AANAT: variants seen among roughly 807,000 people sequenced by gnomAD.
AANAT encodes aralkylamine N-acetyltransferase.
In AANAT, 11 loss-of-function variants were observed where a neutral mutation model predicts 15.6. The ratio of observed to expected loss-of-function variants is 0.71; its 90% CI spans 0.44 to 1.17. The LOEUF (loss-of-function observed/expected upper bound fraction) is 1.17, where lower values mean the gene tolerates loss of function less well. AANAT is among the 50% of genes most tolerant of loss of function. The pLI is 0.00. For missense variants in AANAT, 286 were observed against 296.3 expected, an observed-to-expected ratio of 0.97 and a Z score of 0.26; for synonymous variants, 139 against 131.5, an observed-to-expected ratio of 1.06 and a Z score of -0.39.
chr17:76,461,605 C>CAA (rs10578887), intron 2 of AANAT, among the ~76,000 whole-genome samples: 14 of 52,850 alleles, frequency 2.6e-4, no homozygotes, highest in South Asian at 9.1e-4. Context: ...GAGCCTCCAC[C>CAA]AAAAAAAAAA....
At chr17:76,468,172 G>A (rs1268706800) in intron 1 of AANAT, among the ~76,000 whole-genome samples, 1 of 152,180 alleles carries the variant, frequency 6.6e-6, no homozygotes, top group Non-Finnish European at 1.5e-5. Flanking sequence ...TCTGCCACAG[G>A]ATCTTGCACC....
intron 2 of AANAT, among the ~76,000 whole-genome samples, chr17:76,460,175 G>C (rs71384106): frequency 5.0e-5 from 5 of 100,956 alleles, no homozygotes; most frequent in East Asian, 3.8e-4. Context: ...TTGAGACAGA[G>C]TCTCTCTCTG....
chr17:76,453,375 G>A (rs2073299081), exon 1 of AANAT: 2 of 325,264 alleles, frequency 6.1e-6, no homozygotes, highest in African/African-American at 4.3e-5. Context: ...GAAGGGGCGA[G>A]ACCAGTGAGG....
At chr17:76,464,799 A>ATAT (rs1555612681), upstream of AANAT, among the ~76,000 whole-genome samples, 29 of 148,410 alleles carry the variant, frequency 2.0e-4, no homozygotes, top group Non-Finnish European at 3.7e-4. Flanking sequence ...GTATCTATAT[A>ATAT]TTTTTTTTTT....
At position 76,469,634 on chromosome 17, in the gene AANAT, AC is replaced by A. The variant is rs2073494581; in HGVS notation, c.319-29del. 4.9e-6 allele frequency: 7 copies of A among 1,439,014 alleles called. No individual in the cohort carries two copies. Among genetic ancestry groups the A allele is most frequent in the African/African-American group, 2.9e-5 (2 of 69,956 alleles). 89.1% of individuals were successfully genotyped at this position (1,439,014 alleles called of 1,614,324 possible). On this transcript the variant is annotated intron_variant, in intron 3 of 3. Transcript: ENST00000392492. This position sits in a 1 kb window ranked among gnomAD's most constrained non-coding sequence, Gnocchi z 5.2. ...GGGGGAGCACGTGTCAGCAGAAGTG[AC>A]CTGGGATCTCATCCCTTGCTCGCTC...
In AANAT at chr17:76,468,770, C is replaced by A; in HGVS notation, c.24C>A (p.Pro8=). The A allele has an allele frequency of 6.2e-7, 1 of 1,613,162 alleles. No individual in the cohort carries two copies. MSTQSTH[P]LKPEAPRLPP... ...GAATGTCCACGCAGAGCACCCACCCCCTGAAACCTGAGGCCCCACGTCTGC... is the reference window on the plus strand; with the variant it reads ...GAATGTCCACGCAGAGCACCCACCCACTGAAACCTGAGGCCCCACGTCTGC... Residue 8 remains proline, a synonymous_variant, in exon 2 of 4, where the codon CCC becomes CCA. Transcript: ENST00000392492.
upstream of AANAT, among the ~76,000 whole-genome samples, chr17:76,463,875 A>G (rs1330990015): frequency 6.6e-6 from 1 of 152,158 alleles, no homozygotes; most frequent in East Asian, 1.9e-4. Context: ...GATATCAGTT[A>G]TCCGCTCAAT....
At chr17:76,459,710 A>G (rs1431393258) in intron 2 of AANAT, among the ~76,000 whole-genome samples, 1 of 152,208 alleles carries the variant, frequency 6.6e-6, no homozygotes, top group East Asian at 1.9e-4. Flanking sequence ...TTTACTCTCT[A>G]AGCCTCAGTT....
upstream of AANAT, among the ~76,000 whole-genome samples, chr17:76,464,366 C>T (rs2073417922): frequency 6.6e-6 from 1 of 150,980 alleles, no homozygotes; most frequent in Non-Finnish European, 1.5e-5. Flanking sequence ...AAAGAATATT[C>T]TGGAGTCTTG....
upstream of AANAT, chr17:76,467,442 T>C (rs1490846986): frequency 4.0e-5 from 28 of 695,446 alleles, no homozygotes; most frequent in Non-Finnish European, 4.8e-5. Context: ...AGTCAGCCTC[T>C]GGTAATCCCT....
At chr17:76,455,881 C>T (rs763930243) in intron 1 of AANAT, among the ~76,000 whole-genome samples, 22 of 152,064 alleles carry the variant, frequency 1.4e-4, no homozygotes, top group Non-Finnish European at 3.1e-4. Flanking sequence ...GGTGTAGTGG[C>T]GCATGCTTGT....
At chr17:76,461,936 A>C (rs1218801603) in intron 2 of AANAT, among the ~76,000 whole-genome samples, 1 of 152,194 alleles carries the variant, frequency 6.6e-6, no homozygotes, top group African/African-American at 2.4e-5. Context: ...TCCCAACCTT[A>C]ATGAGTCAGC....
intron 1 of AANAT, among the ~76,000 whole-genome samples, chr17:76,458,743 T>C (rs1396955994): frequency 6.6e-6 from 1 of 152,200 alleles, no homozygotes; most frequent in Non-Finnish European, 1.5e-5. Context: ...AACACTGCCC[T>C]CTGCGGGAGC....
At chr17:76,460,129 AATTT>A (rs199919066) in intron 2 of AANAT, among the ~76,000 whole-genome samples, 3,404 of 82,778 alleles carry the variant, frequency 0.041, 250 homozygotes, top group Non-Finnish European at 0.056. Context: ...TACTTCAGGA[AATTT>A]TTTTTTTTTT....
At chr17:76,461,588 A>G (rs980708913) in intron 2 of AANAT, among the ~76,000 whole-genome samples, 2 of 131,570 alleles carry the variant, frequency 1.5e-5, no homozygotes, top group Admixed American at 1.7e-4. Context: ...AGCCTGGGTG[A>G]CAGAGTGAGC....
upstream of AANAT, chr17:76,466,112 A>G: frequency 7.0e-7 from 1 of 1,425,848 alleles, no homozygotes; most frequent in Non-Finnish European, 9.6e-7. Flanking sequence ...GGCCGATTGA[A>G]CAGCAGGCTC....
At chr17:76,468,191 C>A (rs1403843450) in intron 1 of AANAT, among the ~76,000 whole-genome samples, 2 of 152,198 alleles carry the variant, frequency 1.3e-5, no homozygotes, top group African/African-American at 4.8e-5. Context: ...CCCAAAGGAC[C>A]AGAAGCCTCC....
At chr17:76,461,360 C>T (rs1275754655) in intron 2 of AANAT, among the ~76,000 whole-genome samples, 1 of 151,620 alleles carries the variant, frequency 6.6e-6, no homozygotes, top group Non-Finnish European at 1.5e-5. Flanking sequence ...CAAACACTGC[C>T]CTTGGCTAAA....
intron 1 of AANAT, among the ~76,000 whole-genome samples, chr17:76,454,322 G>GAAA (rs67911712): frequency 0.083 from 11,598 of 139,222 alleles, 644 homozygotes; most frequent in Non-Finnish European, 0.12. Flanking sequence ...TAAAAATACG[G>GAAA]AAAAAAAAAA....
Sources: gnomAD v4.1 joint callset for allele counts (sites outside exome capture counted in the v4.1 genomes callset) on GRCh38, gnomAD v4.1.1 for gene constraint, Gnocchi (gnomAD v3.1) non-coding constraint, MANE v1.5 for transcripts, NCBI Gene and HGNC (gene_info 2026-07-23, HGNC 2026-07-21) for gene names.